The following CACNB4 variants were observed in gnomAD, a reference collection of about 807,000 sequenced individuals.
The protein encoded by CACNB4 is calcium voltage-gated channel auxiliary subunit beta 4.
Under a neutral mutation model 71.2 loss-of-function variants are expected in CACNB4, and 32 were observed. The observed-to-expected ratio is 0.45, with a 90% CI of 0.34 to 0.60. The LOEUF is 0.60. Among genes scored for constraint, CACNB4 ranks in the 20% least tolerant of loss-of-function variants. The pLI is 0.01. For synonymous variants in CACNB4, 231 were observed against 236.9 expected (o/e 0.97, Z 0.23); for missense variants, 464 against 647.9 (o/e 0.72, Z 3.08).
At chr2:152,045,834 C>T (rs1685118670) in intron 2 of CACNB4, among the ~76,000 whole-genome samples, 1 of 152,024 alleles carries the variant, frequency 6.6e-6, no homozygotes, top group South Asian at 2.1e-4. Context: ...ATTCATTAAA[C>T]ATTTGCAGAT....
Position 151,970,678 on chromosome 2 carries a change from A to G in CACNB4, c.148-87308T>C, listed in dbSNP as rs1187792506. The G allele has an allele frequency of 2.6e-5, 4 of 152,346 alleles. No individual in the cohort carries two copies. The East Asian group carries it at 7.7e-4, about 29-fold the overall frequency. 9.4% of individuals were successfully genotyped at this position (152,346 alleles called of 1,614,324 possible). A position where few individuals can be genotyped will look rare whatever the true frequency, so the allele number is the denominator to read the frequency against. ...AATAGGCAGCTCTTATATAGCAGCT[A>G]ATGTAGGAAGAGTCGATGTGCATGA... is the stretch of plus-strand genomic sequence containing the variant. On this transcript the variant is annotated intron_variant, in intron 2 of 13. Coordinates refer to ENST00000539935, the MANE Select transcript of CACNB4 (RefSeq NM_000726.5).
At chr2:152,056,179 G>A (rs6716430) in intron 2 of CACNB4, among the ~76,000 whole-genome samples, 8 of 151,992 alleles carry the variant, frequency 5.3e-5, no homozygotes, top group East Asian at 3.9e-4. Context: ...TGGCTAACAC[G>A]GTGAAACCCC....
intron 2 of CACNB4, among the ~76,000 whole-genome samples, chr2:152,005,763 A>G (rs1475500932): frequency 6.6e-6 from 1 of 152,252 alleles, no homozygotes; most frequent in African/African-American, 2.4e-5. Flanking sequence ...TTCTAAGTGC[A>G]AGTGCAACCA....
chr2:152,021,914 A>G (rs1414803217), intron 2 of CACNB4, among the ~76,000 whole-genome samples: 1 of 152,162 alleles, frequency 6.6e-6, no homozygotes. Context: ...TCTTGAAAAG[A>G]TTTTCTCTAC....
At chr2:152,080,249 C>G (rs1248672932) in intron 2 of CACNB4, among the ~76,000 whole-genome samples, 9 of 151,804 alleles carry the variant, frequency 5.9e-5, no homozygotes, top group Admixed American at 5.9e-4. Context: ...AGCCTCCTGA[C>G]TAGCTGGGAT....
At chr2:152,032,797 C>CA (rs1408250358) in intron 2 of CACNB4, among the ~76,000 whole-genome samples, 1 of 151,750 alleles carries the variant, frequency 6.6e-6, no homozygotes, top group Non-Finnish European at 1.5e-5. Context: ...TCTACAAAAA[C>CA]AAAAAAATTA....
At position 151,974,635 on chromosome 2, in the gene CACNB4, C is replaced by G. The variant is rs186208334; in HGVS notation, c.148-91265G>C. Among the ~76,000 whole-genome samples, 323 of 152,290 alleles carry G rather than the reference C, an allele frequency of 2.1e-3. 1 individual carries two copies. Among genetic ancestry groups the G allele is most frequent in the African/African-American group, 7.3e-3 (305 of 41,554 alleles). ...CTTCACGTAAATTCTTCATCCCCTT[C>G]CCATGCACAAATCTTTAATAATCCT... On this transcript the variant is annotated intron_variant, in intron 2 of 13. Coordinates refer to ENST00000539935, the MANE Select transcript of CACNB4 (RefSeq NM_000726.5).
intron 2 of CACNB4, among the ~76,000 whole-genome samples, chr2:152,023,579 C>T (rs1461792008): frequency 1.3e-5 from 2 of 152,014 alleles, no homozygotes; most frequent in African/African-American, 4.8e-5. Context: ...GGATTACAGG[C>T]GCCTGCCACC....
At chr2:151,968,287 G>T (rs752838082) in intron 2 of CACNB4, 2 of 152,132 alleles carry the variant, frequency 1.3e-5, no homozygotes, top group Non-Finnish European at 2.9e-5. Flanking sequence ...TTTCACAGCC[G>T]CCAGAGCCTG....
intron 2 of CACNB4, among the ~76,000 whole-genome samples, chr2:152,007,502 G>A (rs540731210): frequency 2.8e-4 from 43 of 152,256 alleles, no homozygotes; most frequent in Middle Eastern, 3.4e-3. Context: ...ATTTCACTTA[G>A]CGTAATGTCT....
At chr2:151,929,549 CACA>C (rs990231940) in intron 2 of CACNB4, among the ~76,000 whole-genome samples, 5 of 152,102 alleles carry the variant, frequency 3.3e-5, no homozygotes, top group Non-Finnish European at 5.9e-5. Flanking sequence ...TGTAATAGCA[CACA>C]ACATTTATCA....
At chr2:151,895,096 CCACACACACACACACACACACACA>C (rs58504924) in intron 2 of CACNB4, among the ~76,000 whole-genome samples, 1 of 22,288 alleles carries the variant, frequency 4.5e-5, no homozygotes, top group African/African-American at 6.2e-5. Context: ...TCAAATAGCC[CCACACACACACACACACACACACA>C]CACACACACA....
chr2:152,061,158 C>T lies in CACNB4; in HGVS notation c.147+37172G>A, dbSNP rs183419208. Among the ~76,000 whole-genome samples the T allele has an allele frequency of 4.4e-4, 67 of 151,996 alleles. No individual in the cohort carries two copies. In the East Asian group the frequency reaches 0.012, roughly 28 times the overall value. On this transcript the variant is annotated intron_variant, in intron 2 of 13. Coordinates refer to ENST00000539935, the MANE Select transcript of CACNB4 (RefSeq NM_000726.5). ...TCCCGTCTCCACAAAAAATTTTTGTCAATTAGCTAGGCATGGTGGCACATG... is the reference window on the plus strand; with the variant it reads ...TCCCGTCTCCACAAAAAATTTTTGTTAATTAGCTAGGCATGGTGGCACATG...
At chr2:151,885,396 C>T (rs140647462) in intron 2 of CACNB4, among the ~76,000 whole-genome samples, 249 of 152,318 alleles carry the variant, frequency 1.6e-3, no homozygotes, top group African/African-American at 5.8e-3. Context: ...AAGGCTGAGA[C>T]TCAAACTCAG....
intron 2 of CACNB4, among the ~76,000 whole-genome samples, chr2:152,034,868 A>C (rs1188017254): frequency 1.3e-5 from 2 of 152,140 alleles, no homozygotes; most frequent in Non-Finnish European, 2.9e-5. Context: ...ACTGGTTTCA[A>C]CTTTCTATTC....
chr2:151,953,940 G>C (rs1349910846), intron 2 of CACNB4, among the ~76,000 whole-genome samples: 1 of 152,194 alleles, frequency 6.6e-6, no homozygotes, highest in Non-Finnish European at 1.5e-5. Context: ...AATTTACAAA[G>C]CTCAGATGTC....
chr2:152,020,197 T>C (rs1437395123), intron 2 of CACNB4, among the ~76,000 whole-genome samples: 1 of 152,196 alleles, frequency 6.6e-6, no homozygotes, highest in African/African-American at 2.4e-5. Flanking sequence ...CAGCATCGAT[T>C]TGAGATGCTG....
chr2:151,870,441 G>T, intron 8 of CACNB4, 90 bp downstream of exon 8: 1 of 1,088,950 alleles, frequency 9.2e-7, no homozygotes, highest in Non-Finnish European at 1.4e-6. Context: ...CAGGACCCAC[G>T]TGGAAACAGA....
intron 2 of CACNB4, among the ~76,000 whole-genome samples, chr2:151,975,460 T>C (rs2099873624): frequency 6.6e-6 from 1 of 152,206 alleles, no homozygotes; most frequent in Admixed American, 6.5e-5. Context: ...GATATTGCTG[T>C]CCTTCAGAAT....
Sources: gnomAD v4.1 joint callset for allele counts (sites outside exome capture counted in the v4.1 genomes callset) on GRCh38, gnomAD v4.1.1 for gene constraint, MANE v1.5 for transcripts, NCBI Gene and HGNC (gene_info 2026-07-23, HGNC 2026-07-21) for gene names.